Variants in NSUN6 observed in about 807,000 individuals in gnomAD.
NSUN6 encodes NOP2/Sun RNA methyltransferase 6.
In NSUN6, 64 loss-of-function variants were observed where a neutral mutation model predicts 58.0. That is an observed-to-expected ratio of 1.10 (90% CI 0.90 to 1.36). The LOEUF is 1.36. Ranked by LOEUF, NSUN6 falls within the 40% of genes most tolerant of loss-of-function variation. The pLI is 0.00. For synonymous variants in NSUN6, 231 were observed against 193.9 expected (o/e 1.19, Z -1.59); for missense variants, 701 against 550.1 (o/e 1.27, Z -2.74).
intron 6 of NSUN6, among the ~76,000 whole-genome samples, chr10:18,600,461 TA>T (rs1240024437): frequency 6.6e-6 from 1 of 151,634 alleles, no homozygotes; most frequent in Non-Finnish European, 1.5e-5. Context: ...CTCATCTCTA[TA>T]AAAAAATAAA....
At chr10:18,578,061 T>C (rs1241595898) in intron 8 of NSUN6, among the ~76,000 whole-genome samples, 1 of 152,110 alleles carries the variant, frequency 6.6e-6, no homozygotes, top group Non-Finnish European at 1.5e-5. Context: ...AAAAGAAAAT[T>C]GTATATTCGA....
intron 3 of NSUN6, among the ~76,000 whole-genome samples, chr10:18,618,541 G>A (rs987181093): frequency 1.3e-5 from 2 of 151,876 alleles, no homozygotes; most frequent in Non-Finnish European, 2.9e-5. Context: ...AATTACCCAG[G>A]CATGGTGGCG....
At chr10:18,586,311 C>T (rs1355246310) in intron 7 of NSUN6, among the ~76,000 whole-genome samples, 1 of 152,164 alleles carries the variant, frequency 6.6e-6, no homozygotes, top group Non-Finnish European at 1.5e-5. Flanking sequence ...AATGAAGCCG[C>T]AGACCCTTGC....
At chr10:18,604,587 G>A (rs186739317) in intron 6 of NSUN6, among the ~76,000 whole-genome samples, 12 of 152,050 alleles carry the variant, frequency 7.9e-5, no homozygotes, top group East Asian at 2.0e-4. Context: ...ATATTTGTAC[G>A]TTAAAGTGTA....
At chr10:18,650,831 T>G (rs2059682866) in intron 1 of NSUN6, among the ~76,000 whole-genome samples, 1 of 152,270 alleles carries the variant, frequency 6.6e-6, no homozygotes, top group Non-Finnish European at 1.5e-5. Flanking sequence ...CGATTCGAGT[T>G]CTTGAAGACA....
At chr10:18,626,486 G>C (rs1164964062) in intron 3 of NSUN6, among the ~76,000 whole-genome samples, 1 of 152,164 alleles carries the variant, frequency 6.6e-6, no homozygotes, top group African/African-American at 2.4e-5. Context: ...AGACTTAATG[G>C]GCCGGACACA....
At chr10:18,555,728 G>C (rs528171621) in intron 8 of NSUN6, among the ~76,000 whole-genome samples, 1 of 147,448 alleles carries the variant, frequency 6.8e-6, no homozygotes, top group Non-Finnish European at 1.5e-5. Context: ...AATGGACAAT[G>C]GGTTAGAATG....
chr10:18,551,911 C>A lies in NSUN6; in HGVS notation c.983G>T (p.Gly328Val). 3.7e-6 allele frequency: 6 copies of A among 1,611,006 alleles called. No homozygotes were observed. Among genetic ancestry groups the A allele is most frequent in the Non-Finnish European group, 5.1e-6 (6 of 1,177,394 alleles). Residue 328 changes from glycine (G) to valine (V), a missense_variant, in exon 9 of 11, where the codon GGA (glycine) becomes GTA (valine). By Grantham distance (109) the Gly-to-Val change is moderately radical. Transcript: ENST00000377304. ...DRILLDAPCS[G>V]MGQRPNMACT... ...GGCCATGTTTGGTCTCTGTCCCATT[C>A]CACTACAGGGTGCATCCAGAAGAAT...
chr10:18,561,656 G>C (rs1429957585), intron 8 of NSUN6, among the ~76,000 whole-genome samples: 1 of 150,062 alleles, frequency 6.7e-6, no homozygotes, highest in African/African-American at 2.5e-5. Context: ...ATGGAAAATG[G>C]AATGGAATGG....
At chr10:18,610,476 A>G (rs948923906) in intron 5 of NSUN6, among the ~76,000 whole-genome samples, 1 of 152,254 alleles carries the variant, frequency 6.6e-6, no homozygotes, top group Non-Finnish European at 1.5e-5. Context: ...TAAATTTTTC[A>G]TTTAAGCACA....
chr10:18,596,156 T>C (rs553294636), intron 7 of NSUN6, 52 bp downstream of exon 7: 71 of 1,482,644 alleles, frequency 4.8e-5, no homozygotes, highest in Middle Eastern at 3.5e-4. Context: ...AAATTACACA[T>C]TGTGAAATAT....
rs2054232715 is a variant in NSUN6, at chr10:18,546,007, CT to C, written c.1335del (p.Asp446ThrfsTer11). 1.9e-6 allele frequency: 3 copies of C among 1,583,022 alleles called. No homozygotes were observed. Among genetic ancestry groups the C allele is most frequent in the Non-Finnish European group, 2.6e-6 (3 of 1,171,456 alleles). On this transcript the variant is annotated frameshift_variant, in exon 11 of 11. Coordinates refer to ENST00000377304, the MANE Select transcript of NSUN6 (RefSeq NM_182543.5). LOFTEE classifies it high-confidence loss of function. Reference sequence around the variant, plus strand: ...TCCTTATTAGCCAGACGCAACATGTCTTCTCTTCTGGCCTCTCTAAGAGAGT... The same window carrying C: ...TCCTTATTAGCCAGACGCAACATGTCTCTCTTCTGGCCTCTCTAAGAGAGT... ...DMDSLREARR[E>X]DMLRLANKDS...
intron 3 of NSUN6, among the ~76,000 whole-genome samples, chr10:18,627,315 C>G (rs542690557): frequency 6.6e-6 from 1 of 152,118 alleles, no homozygotes; most frequent in Non-Finnish European, 1.5e-5. Flanking sequence ...TTTTAAATAA[C>G]TGTGATATCG....
intron 3 of NSUN6, among the ~76,000 whole-genome samples, chr10:18,626,007 G>A (rs1473828108): frequency 6.6e-6 from 1 of 152,000 alleles, no homozygotes; most frequent in African/African-American, 2.4e-5. Flanking sequence ...AAACAAAAAG[G>A]CAACAGGCAG....
At position 18,650,807 on chromosome 10, in the gene NSUN6, G is replaced by C. The variant is rs541736540; in HGVS notation, c.75+322C>G. 2.2e-3 allele frequency among the ~76,000 whole-genome samples: 329 copies of C among 152,354 alleles called. 2 individuals are homozygous for C. The highest frequency in any genetic ancestry group is 7.6e-3 in the African/African-American group (317 of 41,572). Reference sequence around the variant, plus strand: ...TTTTCACCTGAGTGCCAGAGCCAGCGCTCTTTTAAAATTCGATTCGAGTTC... The same window carrying C: ...TTTTCACCTGAGTGCCAGAGCCAGCCCTCTTTTAAAATTCGATTCGAGTTC... On this transcript the variant is annotated intron_variant, in intron 1 of 10. Transcript: ENST00000377304.
intron 7 of NSUN6, among the ~76,000 whole-genome samples, chr10:18,590,231 C>T (rs2057327118): frequency 6.6e-6 from 1 of 152,076 alleles, no homozygotes; most frequent in Admixed American, 6.5e-5. Flanking sequence ...TATATGCACC[C>T]AATACAGGAG....
chr10:18,629,538 CA>C (rs1412973564), intron 3 of NSUN6, among the ~76,000 whole-genome samples: 1 of 134,148 alleles, frequency 7.5e-6, no homozygotes, highest in African/African-American at 2.7e-5. Flanking sequence ...CACATAGGCT[CA>C]AAATAAAAGG....
At chr10:18,567,923 C>A (rs1392541947) in intron 8 of NSUN6, among the ~76,000 whole-genome samples, 1 of 151,458 alleles carries the variant, frequency 6.6e-6, no homozygotes, top group African/African-American at 2.4e-5. Flanking sequence ...ATTCCATTTT[C>A]CATTCCATTC....
intron 3 of NSUN6, among the ~76,000 whole-genome samples, chr10:18,616,983 A>T (rs1285501106): frequency 1.3e-5 from 2 of 151,638 alleles, no homozygotes; most frequent in African/African-American, 4.8e-5. Context: ...AATCTTACTA[A>T]TTTTTCAGCT....
Sources: gnomAD v4.1 joint callset for allele counts (sites outside exome capture counted in the v4.1 genomes callset) on GRCh38, gnomAD v4.1.1 for gene constraint, MANE v1.5 for transcripts, NCBI Gene and HGNC (gene_info 2026-07-23, HGNC 2026-07-21) for gene names.